The following GRHL2 variants were observed in gnomAD, a reference collection of about 807,000 sequenced individuals.
The protein encoded by GRHL2 is grainyhead like transcription factor 2.
Under a neutral mutation model 83.8 loss-of-function variants are expected in GRHL2, and 21 were observed. The observed-to-expected ratio is 0.25, with a 90% CI of 0.18 to 0.36. GRHL2 has a LOEUF of 0.36. Among genes scored for constraint, GRHL2 ranks in the 10% least tolerant of loss-of-function variants. The pLI, the probability that GRHL2 is intolerant of heterozygous loss-of-function variation, is 1.00. For missense variants in GRHL2, 623 were observed against 781.8 expected (o/e 0.80, Z 2.42); for synonymous variants, 280 against 278.9 (o/e 1.00, Z -0.04).
chr8:101,578,351 C>G (rs1265862653), intron 7 of GRHL2, among the ~76,000 whole-genome samples: 1 of 152,144 alleles, frequency 6.6e-6, no homozygotes, highest in Non-Finnish European at 1.5e-5. Context: ...GAGACATTCT[C>G]AGTGCCAAGA....
chr8:101,580,225 A>T (rs1183323001), intron 7 of GRHL2, among the ~76,000 whole-genome samples: 1 of 152,202 alleles, frequency 6.6e-6, no homozygotes, highest in African/African-American at 2.4e-5. Context: ...ATATTTTGAT[A>T]CAGGCATACA....
chr8:101,563,709 A>ATTTTTTTTTTTTTTTT (rs58383029), intron 4 of GRHL2, among the ~76,000 whole-genome samples: 1 of 147,088 alleles, frequency 6.8e-6, no homozygotes, highest in African/African-American at 2.5e-5. Context: ...TAGCAAACTT[A>ATTTTTTTTTTTTTTTT]TTTTTTTTTT....
chr8:101,520,819 T>G (rs1810667260), intron 1 of GRHL2, among the ~76,000 whole-genome samples: 1 of 152,206 alleles, frequency 6.6e-6, no homozygotes, highest in Non-Finnish European at 1.5e-5. Context: ...ATTTAGTCCT[T>G]CGATTGGGAG....
chr8:101,519,446 T>G (rs1428802849), intron 1 of GRHL2, among the ~76,000 whole-genome samples: 5 of 152,110 alleles, frequency 3.3e-5, no homozygotes, highest in Admixed American at 2.0e-4. Flanking sequence ...TTACCCAGGC[T>G]GGAGTCCAGT....
the GRHL2 span, among the ~76,000 whole-genome samples, chr8:101,678,435 C>T: frequency 6.6e-6 from 1 of 152,102 alleles, no homozygotes; most frequent in Admixed American, 6.5e-5. Flanking sequence ...GGGTCCTACG[C>T]CCACGGAGTC....
rs1810965228 is a variant in GRHL2 at position 101,532,810 on chromosome 8, C to T, written c.21-10431C>T. Among the ~76,000 whole-genome samples the T allele has an allele frequency of 2.0e-5, 3 of 150,218 alleles. No individual in the cohort carries two copies. In the South Asian group the frequency reaches 6.3e-4, roughly 32 times the overall value. On this transcript the variant is annotated intron_variant, in intron 1 of 15. Transcript: ENST00000646743. ...ATGTGCTCTCAAGATAAAGGCTATG[C>T]TTGTGTGTGTGTGTGAGAGAGAGAT... is the stretch of plus-strand genomic sequence containing the variant.
chr8:101,619,742 G>T (rs781199646), intron 9 of GRHL2, 45 bp downstream of exon 9: 5 of 1,439,790 alleles, frequency 3.5e-6, no homozygotes, highest in African/African-American at 1.4e-5. Flanking sequence ...TTTTTTATTA[G>T]ATATTACTTT....
chr8:101,679,663 G>C, the GRHL2 span, among the ~76,000 whole-genome samples: 591 of 151,594 alleles, frequency 3.9e-3, 15 homozygotes, highest in African/African-American at 0.014. Flanking sequence ...AAATGTTAAG[G>C]ACAGCCAGAG....
At chr8:101,506,246 A>G (rs969235298) in intron 1 of GRHL2, among the ~76,000 whole-genome samples, 14 of 152,336 alleles carry the variant, frequency 9.2e-5, no homozygotes, top group African/African-American at 3.1e-4. Context: ...TTTTTAAAGA[A>G]GCATTTCCTG....
At chr8:101,492,854 G>A in intron 1 of GRHL2, 65 bp downstream of exon 1, 2 of 1,490,524 alleles carry the variant, frequency 1.3e-6, no homozygotes, top group Non-Finnish European at 1.9e-6. Flanking sequence ...CAACTGGTTT[G>A]TTATGTTTTT....
At chr8:101,524,817 A>G (rs1810770278) in intron 1 of GRHL2, among the ~76,000 whole-genome samples, 1 of 152,094 alleles carries the variant, frequency 6.6e-6, no homozygotes, top group African/African-American at 2.4e-5. Context: ...ATCCAGTTTG[A>G]AAGTATTTAT....
chr8:101,655,401 T>C (rs1472306402), intron 14 of GRHL2, among the ~76,000 whole-genome samples: 9 of 152,190 alleles, frequency 5.9e-5, no homozygotes, highest in Non-Finnish European at 1.2e-4. Context: ...AATAGTTTTG[T>C]TTGTACTACC....
intron 7 of GRHL2, among the ~76,000 whole-genome samples, chr8:101,590,899 C>G (rs956196360): frequency 2.0e-5 from 3 of 152,140 alleles, no homozygotes; most frequent in African/African-American, 7.2e-5. Context: ...GAGAAGCAAT[C>G]TTTATATTAA....
Position 101,558,785 on chromosome 8 carries a change from C to A in GRHL2, c.651C>A (p.Ser217Arg), listed in dbSNP as rs34332949. Residue 217 changes from serine to arginine, a missense_variant, in exon 4 of 16, where the codon AGC becomes AGA. Physicochemically the swap from Ser to Arg is moderately radical, Grantham distance 110. Coordinates refer to ENST00000646743, the MANE Select transcript of GRHL2 (RefSeq NM_024915.4). Reference protein sequence around the residue: ...DQRSTPDSTYSESFKDAATEK... With the variant: ...DQRSTPDSTYRESFKDAATEK... ...GCAGCACTCCGGACAGCACATACAG[C>A]GAGAGCTTCAAGGACGCAGCCACAG... 2.5e-6 allele frequency: 4 copies of A among 1,614,050 alleles called. No individual in the cohort carries two copies. The highest frequency in any genetic ancestry group is 2.2e-5 in the South Asian group (2 of 91,076).
intron 1 of GRHL2, among the ~76,000 whole-genome samples, chr8:101,508,771 T>C (rs986885735): frequency 2.6e-5 from 4 of 152,152 alleles, no homozygotes; most frequent in African/African-American, 7.2e-5. Flanking sequence ...TATTTGACTA[T>C]ATGATTTATA....
At chr8:101,566,848 G>T (rs1352301033) in intron 4 of GRHL2, among the ~76,000 whole-genome samples, 1 of 151,878 alleles carries the variant, frequency 6.6e-6, no homozygotes, top group African/African-American at 2.4e-5. Context: ...CACACAGTTT[G>T]TAGTTTTTAA....
chr8:101,611,728 A>T (rs1182863363), intron 8 of GRHL2, among the ~76,000 whole-genome samples: 2 of 150,740 alleles, frequency 1.3e-5, no homozygotes, highest in Non-Finnish European at 1.5e-5. Context: ...GGCCTCAGAG[A>T]TGCACACTTG....
chr8:101,579,500 G>C (rs1293756321), intron 7 of GRHL2, among the ~76,000 whole-genome samples: 1 of 152,146 alleles, frequency 6.6e-6, no homozygotes, highest in Non-Finnish European at 1.5e-5. Context: ...TTACTAAGTA[G>C]CTTCATGGGT....
chr8:101,541,441 A>G (rs1228520702), intron 1 of GRHL2, among the ~76,000 whole-genome samples: 24 of 151,940 alleles, frequency 1.6e-4, no homozygotes, highest in Admixed American at 1.6e-3. Flanking sequence ...TCCTATCAAC[A>G]GTAAATAACT....
Sources: allele counts gnomAD v4.1 joint callset (sites outside exome capture counted in the v4.1 genomes callset), GRCh38; gene constraint gnomAD v4.1.1; transcripts MANE v1.5; gene names NCBI Gene and HGNC (gene_info 2026-07-23, HGNC 2026-07-21).